Variants in WWOX observed in about 807,000 individuals in gnomAD.
The protein encoded by WWOX is WW domain containing oxidoreductase.
WWOX carries 69 observed loss-of-function variants against 46.2 expected under a neutral mutation model. The ratio of observed to expected loss-of-function variants is 1.49; its 90% CI spans 1.23 to 1.82. The LOEUF (loss-of-function observed/expected upper bound fraction) is 1.82. Among genes scored for constraint, WWOX ranks in the 40% most tolerant of loss-of-function variants. WWOX has a pLI of 0.00. For missense variants in WWOX, 919 were observed against 542.6 expected, an observed-to-expected ratio of 1.69 and a Z score of -6.89; for synonymous variants, 359 against 202.6, an observed-to-expected ratio of 1.77 and a Z score of -6.56.
chr16:78,946,215 G>A (rs923028834), intron 8 of WWOX, among the ~76,000 whole-genome samples: 1 of 152,118 alleles, frequency 6.6e-6, no homozygotes, highest in Non-Finnish European at 1.5e-5. Context: ...TTTCGAGACT[G>A]AGTCTTGCTC....
intron 8 of WWOX, among the ~76,000 whole-genome samples, chr16:79,161,635 G>T (rs1597433843): frequency 2.6e-5 from 4 of 152,138 alleles, no homozygotes; most frequent in African/African-American, 9.7e-5. Flanking sequence ...CGATTCCCCT[G>T]CCTCAGCTTC....
rs187974854 is a variant in WWOX, at chr16:78,114,894, T to A, written c.231-82T>A. The A allele has an allele frequency of 2.0e-4, 310 of 1,582,268 alleles. 4 individuals are homozygous for A. The East Asian group carries it at 5.4e-3, about 27-fold the overall frequency. ...GCATTTTGGTCTATGAAAAATGGGGTTTTCCTAAAGTATAAGATTGTCTTA... is the reference window on the plus strand; with the variant it reads ...GCATTTTGGTCTATGAAAAATGGGGATTTCCTAAAGTATAAGATTGTCTTA... On this transcript the variant is annotated intron_variant, in intron 3 of 8. Transcript: ENST00000566780.
chr16:78,231,798 A>T (rs890409164), intron 5 of WWOX, among the ~76,000 whole-genome samples: 2 of 152,118 alleles, frequency 1.3e-5, no homozygotes, highest in East Asian at 1.9e-4. Flanking sequence ...CTTGATTTCA[A>T]TGTCTTTTTT....
intron 5 of WWOX, among the ~76,000 whole-genome samples, chr16:78,194,944 T>C (rs1372593644): frequency 6.6e-6 from 1 of 152,222 alleles, no homozygotes; most frequent in African/African-American, 2.4e-5. Flanking sequence ...ACAGCAGTGC[T>C]GTGTGACGCG....
At chr16:78,732,950 A>G (rs117075247) in intron 8 of WWOX, among the ~76,000 whole-genome samples, 4,422 of 152,220 alleles carry the variant, frequency 0.029, 113 homozygotes, top group Non-Finnish European at 0.042. Flanking sequence ...AGCATTACTG[A>G]GCTCGAGTGG....
At chr16:78,865,568 G>C (rs575683737) in intron 8 of WWOX, among the ~76,000 whole-genome samples, 2 of 152,230 alleles carry the variant, frequency 1.3e-5, no homozygotes, top group East Asian at 1.9e-4. Context: ...AGGCAAGGTA[G>C]GTAAAGTGCA....
chr16:79,000,986 C>T (rs778287286), intron 8 of WWOX, among the ~76,000 whole-genome samples: 12 of 152,140 alleles, frequency 7.9e-5, no homozygotes, highest in Non-Finnish European at 1.5e-4. Context: ...GGCCTACCAC[C>T]GCCTGGGGTC....
intron 5 of WWOX, among the ~76,000 whole-genome samples, chr16:78,354,927 A>T (rs2081253897): frequency 6.6e-6 from 1 of 152,118 alleles, no homozygotes; most frequent in Non-Finnish European, 1.5e-5. Flanking sequence ...TGAGGTCAGG[A>T]ATTCAAGACT....
chr16:78,523,437 A>G (rs985689154), intron 8 of WWOX, among the ~76,000 whole-genome samples: 3 of 152,214 alleles, frequency 2.0e-5, no homozygotes, highest in Non-Finnish European at 4.4e-5. Context: ...TCCGGTAATT[A>G]CCGAATCATA....
chr16:78,673,749 C>T (rs1277937049), intron 8 of WWOX, among the ~76,000 whole-genome samples: 5 of 152,228 alleles, frequency 3.3e-5, no homozygotes, highest in African/African-American at 4.8e-5. Flanking sequence ...TTCTCCACTT[C>T]CTTAATTATC....
intron 8 of WWOX, among the ~76,000 whole-genome samples, chr16:79,124,830 C>T (rs941732438): frequency 1.3e-5 from 2 of 152,052 alleles, no homozygotes; most frequent in East Asian, 3.9e-4. Context: ...GACTCTGTTC[C>T]CTAAAGGGGA....
Position 78,336,939 on chromosome 16 carries a change from C to T in WWOX, c.517-49921C>T, listed in dbSNP as rs138682844. Among the ~76,000 whole-genome samples the T allele has an allele frequency of 2.3e-4, 35 of 152,038 alleles. No homozygotes were observed. The East Asian group carries it at 3.9e-3, about 17-fold the overall frequency. On this transcript the variant is annotated intron_variant, in intron 5 of 8. Coordinates refer to ENST00000566780, the MANE Select transcript of WWOX (RefSeq NM_016373.4). ...GATTACAGGCGCCCGCCACCATGCC[C>T]GGCTAATTTTTTGTATTTTTTAGTA...
intron 6 of WWOX, among the ~76,000 whole-genome samples, chr16:78,415,340 C>T (rs186242281): frequency 2.6e-5 from 4 of 152,090 alleles, no homozygotes; most frequent in Admixed American, 1.3e-4. Context: ...GACCAAATGT[C>T]GTTGCCATCT....
intron 8 of WWOX, among the ~76,000 whole-genome samples, chr16:78,529,837 A>G (rs759023561): frequency 5.3e-5 from 8 of 152,232 alleles, no homozygotes; most frequent in Non-Finnish European, 7.3e-5. Flanking sequence ...ACTTACATAT[A>G]GTTCTCTCTG....
At chr16:78,821,301 C>T (rs943938574) in intron 8 of WWOX, among the ~76,000 whole-genome samples, 3 of 152,124 alleles carry the variant, frequency 2.0e-5, no homozygotes, top group Admixed American at 2.0e-4. Flanking sequence ...CCAGGTTACA[C>T]AGCTAGTTAT....
chr16:78,485,661 T>G (rs1185908126), intron 8 of WWOX, among the ~76,000 whole-genome samples: 1 of 152,226 alleles, frequency 6.6e-6, no homozygotes, highest in East Asian at 1.9e-4. Flanking sequence ...GAAGGACATC[T>G]GCTCACAAGT....
chr16:79,087,172 C>A (rs1243928488), intron 8 of WWOX, among the ~76,000 whole-genome samples: 1 of 152,174 alleles, frequency 6.6e-6, no homozygotes, highest in African/African-American at 2.4e-5. Context: ...ATTTATGGAA[C>A]AGTCTGGGGG....
chr16:78,504,739 C>G (rs912449441), intron 8 of WWOX, among the ~76,000 whole-genome samples: 1 of 151,984 alleles, frequency 6.6e-6, no homozygotes, highest in Non-Finnish European at 1.5e-5. Flanking sequence ...GGTCATGGGG[C>G]TTGGAACCAC....
intron 8 of WWOX, among the ~76,000 whole-genome samples, chr16:79,031,372 C>A (rs2047750563): frequency 6.6e-6 from 1 of 152,090 alleles, no homozygotes; most frequent in Admixed American, 6.6e-5. Context: ...CTCCTGCCTC[C>A]TTCTTTTCTT....
Sources: gnomAD v4.1 joint callset for allele counts (sites outside exome capture counted in the v4.1 genomes callset) on GRCh38, gnomAD v4.1.1 for gene constraint, MANE v1.5 for transcripts, NCBI Gene and HGNC (gene_info 2026-07-23, HGNC 2026-07-21) for gene names.